SCNN1B: variants seen among roughly 807,000 people sequenced by gnomAD.
The protein encoded by SCNN1B is epithelial sodium channel subunit beta.
In SCNN1B, 46 loss-of-function variants were observed where a neutral mutation model predicts 65.3. That is an observed-to-expected ratio of 0.70 (90% CI 0.56 to 0.90). The LOEUF is 0.90. Ranked by LOEUF, SCNN1B falls within the 40% of genes least tolerant of loss-of-function variation. The probability of loss-of-function intolerance (pLI) is 0.00; values close to 1 mark genes in which losing one functional copy is unlikely to be tolerated. For synonymous variants in SCNN1B, 349 were observed against 330.6 expected (o/e 1.06, Z -0.60); for missense variants, 751 against 830.5 (o/e 0.90, Z 1.18).
chr16:23,367,822 G>C (rs1354958495), intron 4 of SCNN1B, 34 bp from the exon 5 acceptor site: 1 of 1,542,446 alleles, frequency 6.5e-7, no homozygotes, highest in African/African-American at 1.4e-5. Context: ...GCCTGTGGTG[G>C]AACCTGCCCT....
intron 2 of SCNN1B, among the ~76,000 whole-genome samples, chr16:23,285,636 T>C (rs1313499842): frequency 6.7e-6 from 1 of 150,250 alleles, no homozygotes; most frequent in African/African-American, 2.5e-5. Flanking sequence ...AATTTTTAAT[T>C]AGCAAGAGTA....
chr16:23,279,710 G>A lies in SCNN1B; in HGVS notation n.110+1370G>A, dbSNP rs111911274. Among the ~76,000 whole-genome samples the A allele has an allele frequency of 2.1e-3, 313 of 152,292 alleles. 1 individual carries two copies. The highest frequency in any genetic ancestry group is 7.1e-3 in the African/African-American group (294 of 41,560). On this transcript the variant is annotated intron_variant and non_coding_transcript_variant, in intron 1 of 3. Transcript: ENST00000569789. The stretch of plus-strand genomic sequence containing the variant: ...AAGTAAACACTTTTATGTGTTGCAC[G>A]TCCAAGATTGTGGAGTGAAATTCGT...
intron 1 of SCNN1B, among the ~76,000 whole-genome samples, chr16:23,279,019 C>A (rs370802203): frequency 7.5e-5 from 11 of 146,824 alleles, no homozygotes; most frequent in African/African-American, 2.8e-4. Flanking sequence ...GGGGAGGGGG[C>A]GGGTGTTGAA....
At chr16:23,327,540 G>GATAATA (rs148550057) in intron 1 of SCNN1B, among the ~76,000 whole-genome samples, 2 of 151,602 alleles carry the variant, frequency 1.3e-5, no homozygotes, top group African/African-American at 4.9e-5. Context: ...TCTCAAAAAT[G>GATAATA]ATAATAATAA....
chr16:23,343,525 GAAGAAA>G (rs1962103915), intron 1 of SCNN1B, among the ~76,000 whole-genome samples: 1 of 117,266 alleles, frequency 8.5e-6, no homozygotes, highest in African/African-American at 3.6e-5. Context: ...AGGAAGGAAG[GAAGAAA>G]GAGGGAGGGA....
At chr16:23,347,054 G>T (rs1439640377) in intron 1 of SCNN1B, among the ~76,000 whole-genome samples, 2 of 152,106 alleles carry the variant, frequency 1.3e-5, no homozygotes, top group Admixed American at 6.6e-5. Context: ...CCATGATCAT[G>T]CCACTGCACT....
chr16:23,303,662 G>A (rs1221188452), intron 1 of SCNN1B, among the ~76,000 whole-genome samples: 1 of 151,708 alleles, frequency 6.6e-6, no homozygotes, highest in Non-Finnish European at 1.5e-5. Context: ...TAATAGAAAT[G>A]ATGCAACCCT....
intron 2 of SCNN1B, among the ~76,000 whole-genome samples, chr16:23,350,709 T>A (rs547938675): frequency 6.6e-6 from 1 of 152,068 alleles, no homozygotes; most frequent in Non-Finnish European, 1.5e-5. Flanking sequence ...GGTCAGGAGT[T>A]CGAGACCAGC....
At chr16:23,302,669 G>A (rs1034624799) in intron 1 of SCNN1B, among the ~76,000 whole-genome samples, 15 of 152,208 alleles carry the variant, frequency 9.9e-5, no homozygotes, top group African/African-American at 3.6e-4. Context: ...GGGTGCAGAA[G>A]GCAGACGGGG....
At chr16:23,301,388 A>C (rs186766739), upstream of SCNN1B, among the ~76,000 whole-genome samples, 3 of 149,440 alleles carry the variant, frequency 2.0e-5, no homozygotes, top group East Asian at 5.8e-4. Flanking sequence ...GAAAGAAGAA[A>C]GAGAGAGGTA....
chr16:23,349,735 C>T (rs1596861411), intron 2 of SCNN1B, among the ~76,000 whole-genome samples: 1 of 152,168 alleles, frequency 6.6e-6, no homozygotes, highest in East Asian at 1.9e-4. Flanking sequence ...TCACAGCCTG[C>T]CAGAGCAAAC....
chr16:23,310,023 T>C (rs1961307394), intron 1 of SCNN1B, among the ~76,000 whole-genome samples: 1 of 152,108 alleles, frequency 6.6e-6, no homozygotes, highest in South Asian at 2.1e-4. Context: ...AGTCATATCC[T>C]GCAGATAACT....
In SCNN1B at chr16:23,380,445, G is replaced by A; in HGVS notation, c.1567G>A (p.Gly523Ser). ...NNIVWLLSNL[G>S]GQFGFWMGGS... is the part of the protein sequence containing the mutation. ...GATCGTCTGGCTGCTCTCGAATCTGGGTGGCCAGTTTGGCTTCTGGATGGG... is the reference window on the plus strand; with the variant it reads ...GATCGTCTGGCTGCTCTCGAATCTGAGTGGCCAGTTTGGCTTCTGGATGGG... Residue 523 changes from glycine to serine, a missense_variant, in exon 13 of 13, where the codon GGT (glycine) becomes AGT (serine). Physicochemically the swap from Gly to Ser is moderately conservative, Grantham distance 56 (BLOSUM62 0). Transcript: ENST00000343070. This position sits in a 1 kb window ranked among gnomAD's most constrained non-coding sequence, Gnocchi z 5.4. The A allele has an allele frequency of 6.2e-7, 1 of 1,614,222 alleles. No individual in the cohort carries two copies. Among genetic ancestry groups the A allele is most frequent in the Non-Finnish European group, 8.5e-7 (1 of 1,180,036 alleles).
chr16:23,332,346 C>T (rs902747960), intron 1 of SCNN1B, among the ~76,000 whole-genome samples: 2 of 152,084 alleles, frequency 1.3e-5, no homozygotes, highest in African/African-American at 4.8e-5. Context: ...CAGGCGCCCA[C>T]CACCATGCCC....
chr16:23,310,529 G>T (rs138063855), intron 1 of SCNN1B, among the ~76,000 whole-genome samples: 75 of 152,280 alleles, frequency 4.9e-4, no homozygotes, highest in African/African-American at 1.7e-3. Flanking sequence ...TATAATAAAA[G>T]AATGATTAGC....
intron 1 of SCNN1B, among the ~76,000 whole-genome samples, chr16:23,317,202 C>T (rs140904841): frequency 2.9e-4 from 44 of 152,354 alleles, no homozygotes; most frequent in Non-Finnish European, 4.3e-4. Context: ...GTGATGATCA[C>T]AGTTCCTCCT....
At chr16:23,306,005 G>A (rs535309299) in intron 1 of SCNN1B, among the ~76,000 whole-genome samples, 1 of 152,140 alleles carries the variant, frequency 6.6e-6, no homozygotes, top group Admixed American at 6.5e-5. Context: ...CACTTTGGGA[G>A]GCTGAGGCGG....
intron 1 of SCNN1B, among the ~76,000 whole-genome samples, chr16:23,303,108 G>A (rs1265210786): frequency 6.6e-6 from 1 of 152,176 alleles, no homozygotes; most frequent in Non-Finnish European, 1.5e-5. Context: ...ATTCTCAAGT[G>A]CTAAGTTGAT....
At chr16:23,307,965 A>T (rs1223720522) in intron 1 of SCNN1B, among the ~76,000 whole-genome samples, 2 of 152,158 alleles carry the variant, frequency 1.3e-5, no homozygotes, top group African/African-American at 4.8e-5. Flanking sequence ...GGATTGCTTG[A>T]GCCCAGGAGA....
Sources: gnomAD v4.1 joint callset for allele counts (sites outside exome capture counted in the v4.1 genomes callset) on GRCh38, gnomAD v4.1.1 for gene constraint, Gnocchi (gnomAD v3.1) non-coding constraint, MANE v1.5 for transcripts, NCBI Gene and HGNC (gene_info 2026-07-23, HGNC 2026-07-21) for gene names.